VASP: variants seen among roughly 807,000 people sequenced by gnomAD.
VASP encodes the protein vasodilator stimulated phosphoprotein.
VASP carries 27 observed loss-of-function variants against 54.4 expected under a neutral mutation model. The ratio of observed to expected loss-of-function variants is 0.50; its 90% CI spans 0.37 to 0.68. The LOEUF (loss-of-function observed/expected upper bound fraction) is 0.68, where lower values mean the gene tolerates loss of function less well. Among genes scored for constraint, VASP ranks in the 30% least tolerant of loss-of-function variants. The probability of loss-of-function intolerance (pLI) is 0.00; values close to 1 mark genes in which losing one functional copy is unlikely to be tolerated. For missense variants in VASP, 488 were observed against 528.3 expected, an observed-to-expected ratio of 0.92 and a Z score of 0.75; for synonymous variants, 233 against 209.8, an observed-to-expected ratio of 1.11 and a Z score of -0.96.
chr19:45,519,894 CTTTTTT>C (rs57892194), intron 3 of VASP, among the ~76,000 whole-genome samples: 1,107 of 50,926 alleles, frequency 0.022, 22 homozygotes, highest in Non-Finnish European at 0.025. Flanking sequence ...TGCGCCCGGC[CTTTTTT>C]TTTTTTTTTT....
chr19:45,516,958 C>T (rs539672518), intron 1 of VASP, among the ~76,000 whole-genome samples: 6 of 116,812 alleles, frequency 5.1e-5, no homozygotes, highest in African/African-American at 1.7e-4. Flanking sequence ...GAGGACAGCC[C>T]GGGTGACAGA....
chr19:45,509,777 A>G (rs1227878170), intron 1 of VASP, among the ~76,000 whole-genome samples: 1 of 151,996 alleles, frequency 6.6e-6, no homozygotes, highest in Admixed American at 6.6e-5. Flanking sequence ...CCATGCCCCT[A>G]TTACCCAGCT....
intron 1 of VASP, among the ~76,000 whole-genome samples, chr19:45,511,648 G>A (rs1047635636): frequency 4.6e-5 from 7 of 152,106 alleles, no homozygotes; most frequent in African/African-American, 9.7e-5. Flanking sequence ...CACAGCCCCC[G>A]CACCCCCGTT....
Position 45,522,348 on chromosome 19 carries a change from C to A in VASP, c.487C>A (p.Pro163Thr), listed in dbSNP as rs1326312735. The change falls in exon 6 of 13, where the codon CCT becomes ACT. Residue 163 changes from proline to threonine, a missense_variant. Physicochemically the swap from Pro to Thr is conservative, Grantham distance 38. Coordinates refer to ENST00000245932, the MANE Select transcript of VASP (RefSeq NM_003370.4). ...ERRVSNAGGPPAPPAGGPPPP... is the reference protein window; with the variant it reads ...ERRVSNAGGPTAPPAGGPPPP... ...TTCTGTGTTTGTTTCAGGAGGCCCA[C>A]CTGCTCCCCCCGCTGGGGGTCCACC... The A allele has an allele frequency of 3.1e-6, 5 of 1,591,554 alleles. 1 individual carries two copies. In the African/African-American group the frequency reaches 4.0e-5, roughly 13 times the overall value.
At chr19:45,512,543 C>T (rs1968620335) in intron 1 of VASP, among the ~76,000 whole-genome samples, 1 of 151,926 alleles carries the variant, frequency 6.6e-6, no homozygotes, top group African/African-American at 2.4e-5. Context: ...CTGCTTCGGC[C>T]TCCCAAAGTG....
intron 11 of VASP, chr19:45,525,178 G>A: frequency 6.4e-6 from 1 of 157,034 alleles, no homozygotes; most frequent in South Asian, 1.8e-4. Flanking sequence ...CACATTGCGA[G>A]GCTGAGGTGG....
At chr19:45,519,619 C>G (rs1248571312) in intron 3 of VASP, among the ~76,000 whole-genome samples, 4 of 115,106 alleles carry the variant, frequency 3.5e-5, no homozygotes, top group Non-Finnish European at 6.9e-5. Flanking sequence ...TTTTTGGAGA[C>G]GGAGTCTCGC....
At chr19:45,509,427 A>AGGCGGAT (rs1031017658) in intron 1 of VASP, among the ~76,000 whole-genome samples, 3 of 151,944 alleles carry the variant, frequency 2.0e-5, no homozygotes, top group Non-Finnish European at 2.9e-5. Context: ...GCTCGGTGGA[A>AGGCGGAT]GGCGGATGGC....
chr19:45,508,688 C>G (rs551786620), intron 1 of VASP, among the ~76,000 whole-genome samples: 18 of 152,322 alleles, frequency 1.2e-4, no homozygotes, highest in Admixed American at 2.6e-4. Flanking sequence ...CACCGTCCCC[C>G]TATCCACCCG....
intron 1 of VASP, among the ~76,000 whole-genome samples, chr19:45,513,541 G>A (rs1394872232): frequency 6.8e-6 from 1 of 146,642 alleles, no homozygotes; most frequent in Admixed American, 7.1e-5. Flanking sequence ...GTCTGAGATC[G>A]GCTCACTGCA....
Position 45,507,808 on chromosome 19 carries a change from GC to G in VASP, c.5+35del. On this transcript the variant is annotated intron_variant, in intron 1 of 12. Coordinates refer to ENST00000245932, the MANE Select transcript of VASP (RefSeq NM_003370.4). The surrounding 1 kb of genome is among the most constrained non-coding windows in gnomAD (Gnocchi z 4.4). ...CGGACCTGCCCCCCGACCCGTCCCC[GC>G]CCGGGCGGGCTCCGCGCCCCGCCTT... The G allele has an allele frequency of 9.4e-7, 1 of 1,067,498 alleles. No individual in the cohort carries two copies. Among genetic ancestry groups the G allele is most frequent in the Non-Finnish European group, 1.2e-6 (1 of 863,620 alleles). 66.1% of individuals were successfully genotyped at this position (1,067,498 alleles called of 1,614,324 possible).
chr19:45,513,106 G>C (rs1968632626), intron 1 of VASP, among the ~76,000 whole-genome samples: 3 of 152,202 alleles, frequency 2.0e-5, no homozygotes, highest in Admixed American at 2.0e-4. Flanking sequence ...CTTGTCAAAA[G>C]GGTGAGCGTC....
At chr19:45,520,615 C>A (rs920773535) in intron 3 of VASP, among the ~76,000 whole-genome samples, 5 of 152,220 alleles carry the variant, frequency 3.3e-5, no homozygotes, top group African/African-American at 1.2e-4. Flanking sequence ...GAGGAAGAAG[C>A]TCTTTACCTT....
chr19:45,517,966 A>G lies in VASP; in HGVS notation c.215A>G (p.Tyr72Cys). Residue 72 changes from tyrosine (Y) to cysteine (C), a missense_variant, in exon 3 of 13, where the codon TAT (tyrosine) becomes TGT (cysteine). Physicochemically the swap from Tyr to Cys is radical, Grantham distance 194. This residue lies in a region of VASP where 127 missense variants were observed against 170.7 expected (regional missense o/e 0.74). Coordinates refer to ENST00000245932, the MANE Select transcript of VASP (RefSeq NM_003370.4). Reference protein sequence around the residue: ...INCAIVRGVKYNQATPNFHQW... With the variant: ...INCAIVRGVKCNQATPNFHQW... Reference sequence around the variant, plus strand: ...TGTGCCATCGTCCGGGGTGTCAAGTATAACCAGGCCACCCCCAACTTCCAT... The same window carrying G: ...TGTGCCATCGTCCGGGGTGTCAAGTGTAACCAGGCCACCCCCAACTTCCAT... The G allele has an allele frequency of 6.2e-7, 1 of 1,613,284 alleles. No homozygotes were observed. Among genetic ancestry groups the G allele is most frequent in the Non-Finnish European group, 8.5e-7 (1 of 1,179,780 alleles).
At position 45,523,868 on chromosome 19, in the gene VASP, G is replaced by T; in HGVS notation, c.901G>T (p.Ala301Ser). The change falls in exon 9 of 13, where the codon GCC (alanine) becomes TCC (serine). Residue 301 changes from alanine (A) to serine (S), a missense_variant. Physicochemically the swap from Ala to Ser is moderately conservative, Grantham distance 99. Coordinates refer to ENST00000245932, the MANE Select transcript of VASP (RefSeq NM_003370.4). The part of the protein sequence containing the change: ...NQEEPEARVP[A>S]QSESVRRPWE... ...GGAGGAGCCAGAGGCCAGAGTCCCG[G>T]CCCAGAGTGGTGAGTAGAGTGCCCA... The T allele has an allele frequency of 6.2e-7, 1 of 1,613,854 alleles. No homozygotes were observed. Among genetic ancestry groups the T allele is most frequent in the Non-Finnish European group, 8.5e-7 (1 of 1,179,984 alleles).
chr19:45,522,613 A>G (rs747470632), intron 6 of VASP, 32 bp downstream of exon 6: 1 of 1,509,404 alleles, frequency 6.6e-7, no homozygotes, highest in Admixed American at 2.4e-5. Flanking sequence ...GCAGGGGGCA[A>G]CAGGGCTTTT....
At chr19:45,509,402 C>T (rs996996963) in intron 1 of VASP, among the ~76,000 whole-genome samples, 1 of 152,084 alleles carries the variant, frequency 6.6e-6, no homozygotes, top group Non-Finnish European at 1.5e-5. Context: ...CCCCCCCTCG[C>T]GTTTCCGGTC....
intron 1 of VASP, among the ~76,000 whole-genome samples, chr19:45,512,661 G>A (rs997554795): frequency 8.6e-5 from 13 of 151,646 alleles, no homozygotes; most frequent in South Asian, 6.2e-4. Context: ...GTGCAGTGGC[G>A]TGATCTTGGC....
At chr19:45,518,343 G>A (rs556134837) in intron 3 of VASP, among the ~76,000 whole-genome samples, 1 of 152,250 alleles carries the variant, frequency 6.6e-6, no homozygotes, top group African/African-American at 2.4e-5. Flanking sequence ...CGAGGCACAC[G>A]GATTACCTGA....
Sources: gnomAD v4.1 joint callset for allele counts (sites outside exome capture counted in the v4.1 genomes callset) on GRCh38, gnomAD v4.1.1 for gene constraint, gnomAD v4.1.1 regional missense constraint, Gnocchi (gnomAD v3.1) non-coding constraint, MANE v1.5 for transcripts, NCBI Gene and HGNC (gene_info 2026-07-23, HGNC 2026-07-21) for gene names.